EPN1: variants seen among roughly 807,000 people sequenced by gnomAD.
EPN1 encodes epsin 1.
EPN1 carries 25 observed loss-of-function variants against 56.9 expected under a neutral mutation model. That is an observed-to-expected ratio of 0.44 (90% confidence interval 0.32 to 0.61). EPN1 has a LOEUF of 0.61. Among genes scored for constraint, EPN1 ranks in the 20% least tolerant of loss-of-function variants. The pLI is 0.05. For missense variants in EPN1, 785 were observed against 823.7 expected (o/e 0.95, Z 0.58); for synonymous variants, 411 against 361.8 (o/e 1.14, Z -1.54).
Position 55,707,791 on chromosome 19 carries a change from C to T in EPN1, c.*12435C>T, listed in dbSNP as rs765294168. 28 of 154,490 alleles carry T rather than the reference C, an allele frequency of 1.8e-4. No homozygotes were observed. Among genetic ancestry groups the T allele is most frequent in the Non-Finnish European group, 3.4e-4 (23 of 68,250 alleles). The allele number at this position is 154,490 out of a possible 1,614,324, so 9.6% of individuals were successfully genotyped here. ...TTGGTTCTTCTTTCCACTGGAATCC[C>T]CCACACAATGGTGTCTTTTGTCCTA... On this transcript the variant is annotated 3_prime_UTR_variant, in exon 11 of 11. Coordinates refer to ENST00000270460, the MANE Select transcript of EPN1 (RefSeq NM_001130072.2).
chr19:55,684,852 C>T (rs1471736239), intron 2 of EPN1, among the ~76,000 whole-genome samples: 6 of 152,238 alleles, frequency 3.9e-5, no homozygotes, highest in Non-Finnish European at 7.3e-5. Flanking sequence ...ATGCCCATGG[C>T]GGCTGTGGTG....
At position 55,694,676 on chromosome 19, in the gene EPN1, A is replaced by G. The variant is rs1986799830; in HGVS notation, c.1265-50A>G. 1 of 1,511,576 alleles carries G rather than the reference A, an allele frequency of 6.6e-7. No homozygotes were observed. 93.6% of individuals were successfully genotyped at this position (1,511,576 alleles called of 1,614,324 possible). ...ATGGCCTATACTGCTCCCGGGTTGG[A>G]GCCTCACTGCTGTCTGCCCTGTCTG... is the stretch of plus-strand genomic sequence containing the variant. On this transcript the variant is annotated intron_variant, in intron 9 of 10. Coordinates refer to ENST00000270460, the MANE Select transcript of EPN1 (RefSeq NM_001130072.2). The surrounding 1 kb of genome is among the most constrained non-coding windows in gnomAD (Gnocchi z 4.2).
rs561485802 is a variant in EPN1 at position 55,700,886 on chromosome 19, G to C, written c.*5530G>C. 1 of 152,272 alleles carries C rather than the reference G, an allele frequency of 6.6e-6. No individual in the cohort carries two copies. The highest frequency in any genetic ancestry group is 2.4e-5 in the African/African-American group (1 of 41,456). The allele number at this position is 152,272 out of a possible 1,614,324, so 9.4% of individuals were successfully genotyped here. A position where few individuals can be genotyped will look rare whatever the true frequency, so the allele number is the denominator to read the frequency against. On this transcript the variant is annotated 3_prime_UTR_variant, in exon 11 of 11. Coordinates refer to ENST00000270460, the MANE Select transcript of EPN1 (RefSeq NM_001130072.2). ...GGGAGGTGAGGTTGCAAAATGGCTTGTGTTGTGGGGAATGTTCTCATCCAC... is the reference window on the plus strand; with the variant it reads ...GGGAGGTGAGGTTGCAAAATGGCTTCTGTTGTGGGGAATGTTCTCATCCAC...
chr19:55,682,169 C>T (rs966094085), intron 2 of EPN1, among the ~76,000 whole-genome samples: 4 of 152,206 alleles, frequency 2.6e-5, no homozygotes, highest in Non-Finnish European at 5.9e-5. Context: ...CTAAGCACAT[C>T]ATGAATGTAT....
Position 55,685,482 on chromosome 19 carries a change from G to A in EPN1, c.315G>A (p.Thr105=), listed in dbSNP as rs767619357. The A allele has an allele frequency of 8.7e-6, 14 of 1,612,432 alleles. No homozygotes were observed. The highest frequency in any genetic ancestry group is 5.5e-5 in the South Asian group (5 of 90,766). The change falls in exon 3 of 11, where the codon ACG becomes ACA. Residue 105 remains threonine (T), a synonymous_variant. Coordinates refer to ENST00000270460, the MANE Select transcript of EPN1 (RefSeq NM_001130072.2). The part of the protein sequence containing the change: ...QCKENMYAVQ[T]LKDFQYVDRD... ...AGGAGAACATGTACGCCGTGCAGAC[G>A]CTGAAGGACTTCCAGTACGTGGACC...
At chr19:55,677,863 C>T in intron 1 of EPN1, 4 of 1,242,162 alleles carry the variant, frequency 3.2e-6, no homozygotes, top group Non-Finnish European at 4.2e-6. Flanking sequence ...CCTCCCTCTC[C>T]ACTTCCTCCT....
Position 55,677,648 on chromosome 19 carries a change from G to C in EPN1, c.-101-879G>C, listed in dbSNP as rs1291398816. ...AGGGACCCAGGCAGTGGGGCTGTTA[G>C]GTTCCTTATCTCTCCTGAGCCTTGG... On this transcript the variant is annotated intron_variant, in intron 1 of 10. Transcript: ENST00000270460. The C allele has an allele frequency of 2.6e-6, 4 of 1,551,660 alleles. No individual in the cohort carries two copies. In the East Asian group the frequency reaches 9.8e-5, roughly 38 times the overall value.
intron 2 of EPN1, among the ~76,000 whole-genome samples, chr19:55,681,252 A>G (rs1270284888): frequency 1.4e-4 from 21 of 152,206 alleles, no homozygotes; most frequent in Non-Finnish European, 7.3e-5. Context: ...TTGTACGTGT[A>G]GCACACACAG....
In EPN1 at chr19:55,705,530, T is replaced by C. The variant is rs1006408456; in HGVS notation, c.*10174T>C. ...CATGCATAGTGGCATGCACCTGTAG[T>C]CCCAGCTACTCGGGATGCTGAGATG... is the stretch of plus-strand genomic sequence containing the variant. On this transcript the variant is annotated 3_prime_UTR_variant, in exon 11 of 11. Coordinates refer to ENST00000270460, the MANE Select transcript of EPN1 (RefSeq NM_001130072.2). The C allele has an allele frequency of 6.6e-6, 1 of 152,044 alleles. No homozygotes were observed. Among genetic ancestry groups the C allele is most frequent in the Non-Finnish European group, 1.5e-5 (1 of 68,042 alleles). 9.4% of individuals were successfully genotyped at this position (152,044 alleles called of 1,614,324 possible).
At chr19:55,692,889 T>C in intron 8 of EPN1, 62 bp from the exon 9 acceptor site, 1 of 1,599,216 alleles carries the variant, frequency 6.3e-7, no homozygotes, top group South Asian at 1.1e-5. Context: ...ACGCCTGGAC[T>C]GGAGGTGGGG....
At chr19:55,677,821 C>G in intron 1 of EPN1, 1 of 1,408,774 alleles carries the variant, frequency 7.1e-7, no homozygotes, top group Non-Finnish European at 9.3e-7. Flanking sequence ...GATTCCTGCC[C>G]CCTCTGCCCT....
intron 6 of EPN1, among the ~76,000 whole-genome samples, chr19:55,690,228 C>T (rs1363574406): frequency 6.6e-6 from 1 of 152,272 alleles, no homozygotes; most frequent in African/African-American, 2.4e-5. Context: ...GCCGCCACAG[C>T]TGAATGGGGA....
At position 55,699,400 on chromosome 19, in the gene EPN1, G is replaced by A. The variant is rs2122233875; in HGVS notation, c.*4044G>A. ...GAAATGTTTTATTTCTTGAGAACTT[G>A]TCTGTCTCTGTGATGACTGTGGGTT... is the stretch of plus-strand genomic sequence containing the variant. On this transcript the variant is annotated 3_prime_UTR_variant, in exon 11 of 11. Transcript: ENST00000270460. 1 of 152,288 alleles carries A rather than the reference G, an allele frequency of 6.6e-6. No individual in the cohort carries two copies. Among genetic ancestry groups the A allele is most frequent in the African/African-American group, 2.4e-5 (1 of 41,554 alleles). The allele number at this position is 152,288 out of a possible 1,614,324, so 9.4% of individuals were successfully genotyped here.
chr19:55,709,067 T>A lies in EPN1; in HGVS notation c.*13711T>A. 1 of 1,548,124 alleles carries A rather than the reference T, an allele frequency of 6.5e-7. No individual in the cohort carries two copies. The highest frequency in any genetic ancestry group is 8.6e-7 in the Non-Finnish European group (1 of 1,156,230). ...AGCCTGGGAAAATAGAAATAAAGTT[T>A]TTTTTTTTGTTTTTCATTTTTACAC... On this transcript the variant is annotated 3_prime_UTR_variant, in exon 11 of 11. Transcript: ENST00000270460.
chr19:55,689,139 C>T lies in EPN1; in HGVS notation c.603+145C>T. 7.9e-7 allele frequency: 1 copy of T among 1,271,454 alleles called. No individual in the cohort carries two copies. Among genetic ancestry groups the T allele is most frequent in the Non-Finnish European group, 1.1e-6 (1 of 930,614 alleles). The allele number at this position is 1,271,454 out of a possible 1,614,324, so 78.8% of individuals were successfully genotyped here. ...GTCTCCTCCCCAGTCCTGCCTCATC[C>T]TCACCCCGCCGTCCCTCTGCGTGTC... On this transcript the variant is annotated intron_variant, in intron 4 of 10. Coordinates refer to ENST00000270460, the MANE Select transcript of EPN1 (RefSeq NM_001130072.2). The surrounding 1 kb of genome is among the most constrained non-coding windows in gnomAD (Gnocchi z 5.7).
In EPN1 at chr19:55,698,381, G is replaced by C. The variant is rs1986992994; in HGVS notation, c.*3025G>C. On this transcript the variant is annotated 3_prime_UTR_variant, in exon 11 of 11. Transcript: ENST00000270460. ...AGCGATGGGGCGTGGGACATTCCTGGGTCTCGACTCTGTTCAGGGCCTAGG... is the reference window on the plus strand; with the variant it reads ...AGCGATGGGGCGTGGGACATTCCTGCGTCTCGACTCTGTTCAGGGCCTAGG... The C allele has an allele frequency of 6.6e-6, 1 of 152,090 alleles. No individual in the cohort carries two copies. Among genetic ancestry groups the C allele is most frequent in the African/African-American group, 2.4e-5 (1 of 41,388 alleles). The allele number at this position is 152,090 out of a possible 1,614,324, so 9.4% of individuals were successfully genotyped here.
In EPN1 at chr19:55,702,187, CT is replaced by C; in HGVS notation, c.*6832del. 1 of 152,368 alleles carries C rather than the reference CT, an allele frequency of 6.6e-6. No homozygotes were observed. The allele number at this position is 152,368 out of a possible 1,614,324, so 9.4% of individuals were successfully genotyped here. Reference sequence around the variant, plus strand: ...TGTTGGTCAGGCTGGTCTCCAACTCCTGACCTCAAGTGATCCGCCTGCCTCG... The same window carrying C: ...TGTTGGTCAGGCTGGTCTCCAACTCCGACCTCAAGTGATCCGCCTGCCTCG... On this transcript the variant is annotated 3_prime_UTR_variant, in exon 11 of 11. Transcript: ENST00000270460.
Position 55,696,506 on chromosome 19 carries a change from C to T in EPN1, c.*1150C>T, listed in dbSNP as rs73062564. The T allele has an allele frequency of 0.099, 15,128 of 152,512 alleles. 951 individuals carry two copies. Among genetic ancestry groups the T allele is most frequent in the Middle Eastern group, 0.19 (56 of 294 alleles). 9.4% of individuals were successfully genotyped at this position (152,512 alleles called of 1,614,324 possible). ...GGGGTCAAGTCCTGACGGCTGGGTT[C>T]GCTCCCTCAGTGACTCCGACAGCTC... On this transcript the variant is annotated 3_prime_UTR_variant, in exon 11 of 11. Coordinates refer to ENST00000270460, the MANE Select transcript of EPN1 (RefSeq NM_001130072.2).
rs1045978033 is a variant in EPN1 at position 55,707,832 on chromosome 19, A to C, written c.*12476A>C. The stretch of plus-strand genomic sequence containing the variant: ...TTTTGTCCTATGGAAACCCTTGTCC[A>C]GTCTTGAGTGTAAACTCGTGTTTAC... On this transcript the variant is annotated 3_prime_UTR_variant, in exon 11 of 11. Coordinates refer to ENST00000270460, the MANE Select transcript of EPN1 (RefSeq NM_001130072.2). 1.3e-5 allele frequency: 2 copies of C among 154,414 alleles called. No individual in the cohort carries two copies. The highest frequency in any genetic ancestry group is 2.9e-5 in the Non-Finnish European group (2 of 68,216). The allele number at this position is 154,414 out of a possible 1,614,324, so 9.6% of individuals were successfully genotyped here.
Sources: gnomAD v4.1 joint callset for allele counts (sites outside exome capture counted in the v4.1 genomes callset) on GRCh38, gnomAD v4.1.1 for gene constraint, Gnocchi (gnomAD v3.1) non-coding constraint, MANE v1.5 for transcripts, NCBI Gene and HGNC (gene_info 2026-07-23, HGNC 2026-07-21) for gene names.